Variants in HECTD4 observed in about 807,000 individuals in gnomAD.
The protein encoded by HECTD4 is HECT domain E3 ubiquitin protein ligase 4.
In HECTD4, 114 loss-of-function variants were observed where a neutral mutation model predicts 471.5. That is an observed-to-expected ratio of 0.24 (90% CI 0.21 to 0.28). The LOEUF (loss-of-function observed/expected upper bound fraction) is 0.28, where lower values mean the gene tolerates loss of function less well. Ranked by LOEUF, HECTD4 falls within the 10% of genes least tolerant of loss-of-function variation. The pLI is 1.00. For synonymous variants in HECTD4, 2,012 were observed against 2,256.0 expected (o/e 0.89, Z 3.07); for missense variants, 3,866 against 5,651.5 (o/e 0.68, Z 10.13).
At chr12:112,177,093 AG>A (rs2031476654) in intron 64 of HECTD4, among the ~76,000 whole-genome samples, 1 of 152,246 alleles carries the variant, frequency 6.6e-6, no homozygotes, top group East Asian at 1.9e-4. Flanking sequence ...AGTTGTGGTT[AG>A]GGGCTGCTGT....
At chr12:112,309,887 A>T (rs2035339433) in intron 4 of HECTD4, among the ~76,000 whole-genome samples, 1 of 152,218 alleles carries the variant, frequency 6.6e-6, no homozygotes. Flanking sequence ...ATGGTCAGAC[A>T]GTTACCAGCA....
intron 24 of HECTD4, 100 bp downstream of exon 24, chr12:112,250,871 G>T: frequency 8.6e-7 from 1 of 1,165,156 alleles, no homozygotes; most frequent in Non-Finnish European, 1.2e-6. Context: ...TTGCCAGGCA[G>T]TAGGCACAAT....
chr12:112,346,510 A>G (rs1376198914), intron 1 of HECTD4, among the ~76,000 whole-genome samples: 3 of 152,216 alleles, frequency 2.0e-5, no homozygotes, highest in Non-Finnish European at 4.4e-5. Flanking sequence ...ATTACTACAT[A>G]TAAACTGGCT....
At chr12:112,296,246 G>A (rs1424322145) in intron 7 of HECTD4, among the ~76,000 whole-genome samples, 2 of 151,028 alleles carry the variant, frequency 1.3e-5, no homozygotes, top group South Asian at 2.1e-4. Flanking sequence ...GGTGCAGAGC[G>A]TGTAGATGCA....
intron 27 of HECTD4, 24 bp downstream of exon 27, chr12:112,248,043 T>C (rs371481398): frequency 7.1e-6 from 11 of 1,550,616 alleles, no homozygotes; most frequent in South Asian, 1.1e-5. Flanking sequence ...AATACCCCAG[T>C]GACAAATCAT....
At chr12:112,182,079 C>T (rs1261191181) in intron 62 of HECTD4, among the ~76,000 whole-genome samples, 2 of 149,734 alleles carry the variant, frequency 1.3e-5, no homozygotes, top group Non-Finnish European at 3.0e-5. Context: ...GGTGACAGAG[C>T]GAGACTCTGT....
In HECTD4 at chr12:112,266,803, T is replaced by C. The variant is rs1303808192; in HGVS notation, c.2392+109A>G. 3 of 696,886 alleles carry C rather than the reference T, an allele frequency of 4.3e-6. No homozygotes were observed. In the African/African-American group the frequency reaches 5.4e-5, roughly 13 times the overall value. 43.2% of individuals were successfully genotyped at this position (696,886 alleles called of 1,614,324 possible). On this transcript the variant is annotated intron_variant, in intron 14 of 75. Coordinates refer to ENST00000682272, the MANE Select transcript of HECTD4 (RefSeq NM_001388303.1). ...GGCCTGCAGATACATTTCTTAAATA[T>C]GCTGACTAACATACATGAAGAAGTG... is the stretch of plus-strand genomic sequence containing the variant.
intron 64 of HECTD4, 99 bp from the exon 65 acceptor site, chr12:112,176,801 C>T: frequency 1.1e-6 from 1 of 948,242 alleles, no homozygotes; most frequent in Admixed American, 2.0e-5. Context: ...CTCCCTCCTC[C>T]AACTTAGGGC....
rs761126386 is a variant in HECTD4 at position 112,164,282 on chromosome 12, G to T, written c.12535-7C>A. ...GCTCGGTCTCATCATTGATCTGGAG[G>T]GTGGAGGCAGAGCGAGGCTCATTAT... On this transcript the variant is annotated splice_polypyrimidine_tract_variant and splice_region_variant and intron_variant, in intron 72 of 75. Coordinates refer to ENST00000682272, the MANE Select transcript of HECTD4 (RefSeq NM_001388303.1). 2.5e-6 allele frequency: 4 copies of T among 1,608,282 alleles called. No individual in the cohort carries two copies. The highest frequency in any genetic ancestry group is 1.7e-5 in the Admixed American group (1 of 59,718).
chr12:112,323,997 C>T lies in HECTD4; in HGVS notation c.178-4255G>A, dbSNP rs71465838. ...TCCTTCCTTCCTTCCTTCCTTCCTT[C>T]CTTCCTTCCTTCCTTCCTTCCTTCC... On this transcript the variant is annotated intron_variant, in intron 1 of 75. Coordinates refer to ENST00000682272, the MANE Select transcript of HECTD4 (RefSeq NM_001388303.1). 4.3e-3 allele frequency among the ~76,000 whole-genome samples: 156 copies of T among 36,096 alleles called. 20 individuals carry two copies. In the East Asian group the frequency reaches 0.16, roughly 36 times the overall value. 23.7% of individuals were successfully genotyped at this position (36,096 alleles called of 152,430 possible).
intron 8 of HECTD4, among the ~76,000 whole-genome samples, chr12:112,280,521 T>G (rs995247610): frequency 6.6e-6 from 1 of 152,110 alleles, no homozygotes; most frequent in African/African-American, 2.4e-5. Flanking sequence ...GTGAGTAAAG[T>G]GAAACCTAAT....
In HECTD4 at chr12:112,184,192, C is replaced by G. The variant is rs949581532; in HGVS notation, c.10774G>C (p.Val3592Leu). ...AARPIKGFAV[V>L]EIRSRAKIEK... ...AGAGGCTTGAAAGCTGTTACCTCCA[C>G]GACTGCGAAGCCTTTGATGGGGCGG... Residue 3592 changes from valine to leucine, a missense_variant, in exon 61 of 76, where the codon GTG (valine) becomes CTG (leucine). Physicochemically the swap from Val to Leu is conservative, Grantham distance 32. Coordinates refer to ENST00000682272, the MANE Select transcript of HECTD4 (RefSeq NM_001388303.1). This position sits in a 1 kb window ranked among gnomAD's most constrained non-coding sequence, Gnocchi z 9.1. 6.2e-7 allele frequency: 1 copy of G among 1,606,404 alleles called. No homozygotes were observed. Among genetic ancestry groups the G allele is most frequent in the Admixed American group, 1.7e-5 (1 of 59,622 alleles).
intron 1 of HECTD4, among the ~76,000 whole-genome samples, chr12:112,329,795 A>G (rs1489610087): frequency 6.6e-6 from 1 of 152,190 alleles, no homozygotes; most frequent in African/African-American, 2.4e-5. Context: ...TCATATACCT[A>G]TGCTTAGTAA....
At chr12:112,362,602 T>C (rs2135750046) in intron 1 of HECTD4, among the ~76,000 whole-genome samples, 1 of 152,290 alleles carries the variant, frequency 6.6e-6, no homozygotes, top group East Asian at 1.9e-4. Context: ...AAGTAACTAC[T>C]AATACTGGCT....
intron 55 of HECTD4, among the ~76,000 whole-genome samples, chr12:112,195,923 A>G (rs964058706): frequency 6.6e-6 from 1 of 152,202 alleles, no homozygotes; most frequent in Non-Finnish European, 1.5e-5. Flanking sequence ...GCACTTTGGG[A>G]GGCCAAAGCA....
chr12:112,264,123 GTCA>G lies in HECTD4; in HGVS notation c.2706_2708del (p.Asp903del), dbSNP rs1014693060. 1.2e-6 allele frequency: 2 copies of G among 1,609,736 alleles called. No homozygotes were observed. Among genetic ancestry groups the G allele is most frequent in the Admixed American group, 3.4e-5 (2 of 59,488 alleles). On this transcript the variant is annotated inframe_deletion, in exon 17 of 76. Transcript: ENST00000682272. Reference sequence around the variant, plus strand: ...TCTCTCCCTGCAAGGAGCTGTCACTGTCATCATTCTCATCAGGTTTAATCAAAA... The same window carrying G: ...TCTCTCCCTGCAAGGAGCTGTCACTGTCATTCTCATCAGGTTTAATCAAAA...
In HECTD4 at chr12:112,163,617, C is replaced by T. The variant is rs1448985880; in HGVS notation, c.12822G>A (p.Leu4274=). ...TCTCCAGTGGGCTGAGCATGGTCAGCAGCTGCAGGGGGATGATGGAGCCCA... is the reference window on the plus strand; with the variant it reads ...TCTCCAGTGGGCTGAGCATGGTCAGTAGCTGCAGGGGGATGATGGAGCCCA... ...AGLGSIIPLQ[L]LTMLSPLEME... The change falls in exon 74 of 76, where the codon CTG becomes CTA. Residue 4274 remains leucine, a synonymous_variant. Transcript: ENST00000682272. The surrounding 1 kb of genome is among the most constrained non-coding windows in gnomAD (Gnocchi z 8.2). 6.5e-7 allele frequency: 1 copy of T among 1,539,042 alleles called. No homozygotes were observed. Among genetic ancestry groups the T allele is most frequent in the Non-Finnish European group, 8.8e-7 (1 of 1,142,298 alleles).
chr12:112,223,798 T>C (rs986656623), intron 44 of HECTD4, among the ~76,000 whole-genome samples: 1 of 152,236 alleles, frequency 6.6e-6, no homozygotes, highest in African/African-American at 2.4e-5. Flanking sequence ...CTGTCTTCTT[T>C]AGATAGAGAC....
intron 1 of HECTD4, among the ~76,000 whole-genome samples, chr12:112,338,890 C>T (rs563020189): frequency 3.3e-5 from 5 of 152,156 alleles, no homozygotes; most frequent in Non-Finnish European, 7.3e-5. Context: ...TGAGAACTCA[C>T]TCACCAGTGA....
Sources: gnomAD v4.1 joint callset for allele counts (sites outside exome capture counted in the v4.1 genomes callset) on GRCh38, gnomAD v4.1.1 for gene constraint, Gnocchi (gnomAD v3.1) non-coding constraint, MANE v1.5 for transcripts, NCBI Gene and HGNC (gene_info 2026-07-23, HGNC 2026-07-21) for gene names.